ARL15: variants seen among roughly 807,000 people sequenced by gnomAD.
ARL15 encodes the protein ARF like GTPase 15, also known as ADP-ribosylation factor-like protein 15.
Under a neutral mutation model 25.2 loss-of-function variants are expected in ARL15, and 19 were observed. The ratio of observed to expected loss-of-function variants is 0.75; its 90% CI spans 0.53 to 1.10. The LOEUF (loss-of-function observed/expected upper bound fraction) is 1.10, where lower values mean the gene tolerates loss of function less well. Ranked by LOEUF, ARL15 falls within the 50% of genes least tolerant of loss-of-function variation. The probability of loss-of-function intolerance (pLI) is 0.00; values close to 1 mark genes in which losing one functional copy is unlikely to be tolerated. For missense variants in ARL15, 220 were observed against 246.0 expected (o/e 0.89, Z 0.71); for synonymous variants, 94 against 86.8 (o/e 1.08, Z -0.46).
chr5:53,963,548 C>T (rs564232143), intron 4 of ARL15, among the ~76,000 whole-genome samples: 1 of 152,162 alleles, frequency 6.6e-6, no homozygotes, highest in Non-Finnish European at 1.5e-5. Flanking sequence ...TGGCTCACGC[C>T]TGTAATTCCA....
At chr5:54,141,475 A>G (rs1450390847) in intron 3 of ARL15, among the ~76,000 whole-genome samples, 1 of 152,166 alleles carries the variant, frequency 6.6e-6, no homozygotes, top group African/African-American at 2.4e-5. Flanking sequence ...AACGATTTTT[A>G]ACTGGAGATA....
At chr5:53,953,020 A>T (rs772711813) in intron 4 of ARL15, among the ~76,000 whole-genome samples, 6 of 152,210 alleles carry the variant, frequency 3.9e-5, no homozygotes, top group Non-Finnish European at 7.3e-5. Flanking sequence ...GCAAATGTTC[A>T]CTTTACTACG....
intron 2 of ARL15, among the ~76,000 whole-genome samples, chr5:54,161,112 G>A (rs2457162): frequency 0.35 from 53,330 of 151,852 alleles, 10,092 homozygotes; most frequent in Admixed American, 0.43. Context: ...ATAGAAGACT[G>A]TATATATTCT....
chr5:53,927,796 GAGGGCTGC>G (rs1353777874), intron 4 of ARL15, among the ~76,000 whole-genome samples: 1 of 152,142 alleles, frequency 6.6e-6, no homozygotes, highest in Non-Finnish European at 1.5e-5. Context: ...TGATTTGAAA[GAGGGCTGC>G]AGCAACTCAA....
chr5:54,016,955 A>C (rs1190795511), intron 4 of ARL15, among the ~76,000 whole-genome samples: 2 of 152,220 alleles, frequency 1.3e-5, no homozygotes, highest in Non-Finnish European at 2.9e-5. Flanking sequence ...AACTCTGTAA[A>C]TGATGATAAG....
intron 4 of ARL15, among the ~76,000 whole-genome samples, chr5:54,068,613 T>C (rs1049881474): frequency 1.3e-5 from 2 of 152,148 alleles, no homozygotes; most frequent in Non-Finnish European, 2.9e-5. Context: ...ATCCTATTAA[T>C]AGGCAGCAAA....
At chr5:54,094,823 T>C (rs1752236426) in intron 4 of ARL15, among the ~76,000 whole-genome samples, 1 of 152,206 alleles carries the variant, frequency 6.6e-6, no homozygotes, top group Non-Finnish European at 1.5e-5. Context: ...TTTATGAGCA[T>C]CTACTATGTT....
chr5:54,108,434 G>A (rs1228735883), intron 4 of ARL15, among the ~76,000 whole-genome samples: 8 of 152,144 alleles, frequency 5.3e-5, no homozygotes, highest in Non-Finnish European at 1.5e-5. Context: ...CCAAGAGGCA[G>A]GTCAAGATAC....
chr5:54,166,379 T>C (rs1375383944), intron 2 of ARL15, among the ~76,000 whole-genome samples: 1 of 151,976 alleles, frequency 6.6e-6, no homozygotes, highest in Non-Finnish European at 1.5e-5. Context: ...ATTTATTTAT[T>C]TGTAGAGATG....
At chr5:54,061,910 G>C in intron 4 of ARL15, among the ~76,000 whole-genome samples, 1 of 152,174 alleles carries the variant, frequency 6.6e-6, no homozygotes, top group East Asian at 1.9e-4. Context: ...CTCAATGCCA[G>C]CCCACGAAAG....
chr5:53,957,962 C>A (rs940129166), intron 4 of ARL15, among the ~76,000 whole-genome samples: 2 of 152,108 alleles, frequency 1.3e-5, no homozygotes, highest in South Asian at 2.1e-4. Context: ...GTAATCCCAG[C>A]ACTTTGGGAG....
intron 4 of ARL15, among the ~76,000 whole-genome samples, chr5:53,956,821 C>T (rs1349466114): frequency 6.6e-6 from 1 of 151,852 alleles, no homozygotes; most frequent in Non-Finnish European, 1.5e-5. Context: ...AAAAAGCTCA[C>T]TAGAGGGTTT....
intron 1 of ARL15, among the ~76,000 whole-genome samples, chr5:54,175,098 G>C (rs914988415): frequency 6.6e-6 from 1 of 152,300 alleles, no homozygotes; most frequent in South Asian, 2.1e-4. Context: ...GTGAATGATT[G>C]CTAGAGCATC....
chr5:54,139,185 G>T (rs1753696470), intron 3 of ARL15, among the ~76,000 whole-genome samples: 1 of 152,074 alleles, frequency 6.6e-6, no homozygotes, highest in Non-Finnish European at 1.5e-5. Context: ...AAGAAAAGAA[G>T]TCATTGTATC....
At chr5:53,906,945 A>G (rs1745265896) in intron 4 of ARL15, among the ~76,000 whole-genome samples, 1 of 152,138 alleles carries the variant, frequency 6.6e-6, no homozygotes, top group Admixed American at 6.5e-5. Flanking sequence ...ATAAAGTGCT[A>G]TTTTGACCAT....
rs140276000 is a variant in ARL15 at position 54,234,296 on chromosome 5, CTAT to C, written c.49-62371_49-62369del. Among the ~76,000 whole-genome samples the C allele has an allele frequency of 4.6e-3, 693 of 151,312 alleles. 4 individuals carry two copies. The highest frequency in any genetic ancestry group is 0.016 in the African/African-American group (654 of 41,188). On this transcript the variant is annotated intron_variant, in intron 1 of 4. Transcript: ENST00000504924. ...TTGAGCCACCAGGCCTGGCCCGTTA[CTAT>C]TGTTATTTTTAAATGCATTAGTAAA...
chr5:54,157,569 G>A (rs891896885), intron 2 of ARL15, among the ~76,000 whole-genome samples: 2 of 151,838 alleles, frequency 1.3e-5, no homozygotes, highest in African/African-American at 2.4e-5. Flanking sequence ...CCACCACCAC[G>A]CCCAGCTAAT....
intron 4 of ARL15, among the ~76,000 whole-genome samples, chr5:54,020,260 C>G (rs113836094): frequency 0.035 from 5,347 of 152,244 alleles, 108 homozygotes; most frequent in Non-Finnish European, 0.057. Context: ...GGAGCAGTGT[C>G]AGCGGAGGCC....
intron 3 of ARL15, among the ~76,000 whole-genome samples, chr5:54,126,062 A>G (rs1252109543): frequency 6.6e-6 from 1 of 152,090 alleles, no homozygotes; most frequent in Non-Finnish European, 1.5e-5. Flanking sequence ...CACAGTTTCC[A>G]CCCTCAGAGT....
Sources: gnomAD v4.1 joint callset for allele counts (sites outside exome capture counted in the v4.1 genomes callset) on GRCh38, gnomAD v4.1.1 for gene constraint, MANE v1.5 for transcripts, NCBI Gene and HGNC (gene_info 2026-07-23, HGNC 2026-07-21) for gene names.